Variants in KCND2 observed in about 807,000 individuals in gnomAD.
The protein encoded by KCND2 is A-type voltage-gated potassium channel KCND2.
KCND2 carries 16 observed loss-of-function variants against 54.4 expected under a neutral mutation model. The observed-to-expected ratio is 0.29, with a 90% confidence interval of 0.20 to 0.45. The LOEUF is 0.45. KCND2 is among the 20% of genes least tolerant of loss of function. KCND2 has a pLI of 1.00. For synonymous variants in KCND2, 317 were observed against 310.7 expected, an observed-to-expected ratio of 1.02 and a Z score of -0.21; for missense variants, 486 against 824.2, an observed-to-expected ratio of 0.59 and a Z score of 5.02.
chr7:120,341,346 A>G (rs896215094), intron 1 of KCND2, among the ~76,000 whole-genome samples: 9 of 152,192 alleles, frequency 5.9e-5, no homozygotes, highest in African/African-American at 1.9e-4. Context: ...AAGTGAGATC[A>G]TTAAGACCTG....
chr7:120,311,765 A>G (rs1799739073), intron 1 of KCND2, among the ~76,000 whole-genome samples: 1 of 151,824 alleles, frequency 6.6e-6, no homozygotes, highest in Admixed American at 6.6e-5. Flanking sequence ...GTTTCCCTCT[A>G]TGTGTCCATG....
intron 1 of KCND2, among the ~76,000 whole-genome samples, chr7:120,535,447 TG>T (rs1181148570): frequency 3.3e-5 from 5 of 152,184 alleles, no homozygotes; most frequent in Admixed American, 6.6e-5. Flanking sequence ...ACTGGTCTCT[TG>T]GAAATTTTGG....
intron 1 of KCND2, among the ~76,000 whole-genome samples, chr7:120,456,195 GAAT>G (rs921395687): frequency 2.6e-5 from 4 of 152,056 alleles, no homozygotes; most frequent in Admixed American, 6.6e-5. Context: ...TTTGAATCAA[GAAT>G]AATATGATAC....
intron 1 of KCND2, among the ~76,000 whole-genome samples, chr7:120,656,199 C>T (rs750575249): frequency 1.3e-5 from 2 of 152,008 alleles, no homozygotes; most frequent in Non-Finnish European, 2.9e-5. Context: ...GCTGGCCTGG[C>T]GTTCCTGGCC....
chr7:120,688,526 T>C (rs1372000259), intron 1 of KCND2, among the ~76,000 whole-genome samples: 6 of 152,182 alleles, frequency 3.9e-5, no homozygotes, highest in Admixed American at 3.9e-4. Flanking sequence ...AGAGAGGACC[T>C]TCCCAGGCCC....
At chr7:120,722,555 G>C (rs945247476) in intron 1 of KCND2, among the ~76,000 whole-genome samples, 1 of 152,126 alleles carries the variant, frequency 6.6e-6, no homozygotes, top group Non-Finnish European at 1.5e-5. Flanking sequence ...AGATAAATAG[G>C]TGGCAAAATT....
intron 1 of KCND2, among the ~76,000 whole-genome samples, chr7:120,351,488 G>A (rs1041545940): frequency 6.7e-6 from 1 of 149,744 alleles, no homozygotes; most frequent in East Asian, 2.0e-4. Flanking sequence ...CAGCAGTGTT[G>A]ACAACAAACA....
intron 1 of KCND2, among the ~76,000 whole-genome samples, chr7:120,601,129 C>T (rs989212172): frequency 6.6e-6 from 1 of 152,064 alleles, no homozygotes. Context: ...AAATGAAACA[C>T]AGTGTATACC....
At chr7:120,692,381 C>CT (rs889608786) in intron 1 of KCND2, among the ~76,000 whole-genome samples, 1 of 151,992 alleles carries the variant, frequency 6.6e-6, no homozygotes, top group African/African-American at 2.4e-5. Context: ...TTAATACAAA[C>CT]TTTTTTTTAG....
chr7:120,533,783 TG>T (rs1173503015), intron 1 of KCND2, among the ~76,000 whole-genome samples: 1 of 152,110 alleles, frequency 6.6e-6, no homozygotes, highest in East Asian at 1.9e-4. Context: ...GCCATAATAA[TG>T]GAAGCTAGTA....
chr7:120,393,378 A>G (rs527765841), intron 1 of KCND2, among the ~76,000 whole-genome samples: 5 of 151,990 alleles, frequency 3.3e-5, no homozygotes, highest in African/African-American at 1.2e-4. Context: ...ATCATTCTAA[A>G]CTCTTTACTT....
At chr7:120,559,559 G>A (rs932403938) in intron 1 of KCND2, among the ~76,000 whole-genome samples, 1 of 152,194 alleles carries the variant, frequency 6.6e-6, no homozygotes, top group East Asian at 1.9e-4. Flanking sequence ...ATGATCATTT[G>A]GTATCTGGTT....
At chr7:120,410,212 A>G (rs1801428461) in intron 1 of KCND2, among the ~76,000 whole-genome samples, 1 of 151,894 alleles carries the variant, frequency 6.6e-6, no homozygotes, top group Admixed American at 6.6e-5. Context: ...ATATTGGTCA[A>G]TTTTCAAACT....
intron 1 of KCND2, among the ~76,000 whole-genome samples, chr7:120,474,447 T>A (rs1802504696): frequency 6.6e-6 from 1 of 151,978 alleles, no homozygotes; most frequent in South Asian, 2.1e-4. Flanking sequence ...AAGCAATTCC[T>A]CTGCCTTAGT....
intron 1 of KCND2, among the ~76,000 whole-genome samples, chr7:120,431,317 A>G (rs1272887536): frequency 6.6e-6 from 1 of 152,236 alleles, no homozygotes; most frequent in Non-Finnish European, 1.5e-5. Context: ...AATGCAGCCC[A>G]TGCCTTAACG....
At chr7:120,278,878 A>G (rs960094039) in intron 1 of KCND2, among the ~76,000 whole-genome samples, 1 of 151,860 alleles carries the variant, frequency 6.6e-6, no homozygotes, top group African/African-American at 2.4e-5. Context: ...ATTTTTTTTA[A>G]GTGTTTAGAT....
intron 1 of KCND2, among the ~76,000 whole-genome samples, chr7:120,445,712 A>AGG (rs1439398862): frequency 1.3e-5 from 2 of 152,154 alleles, no homozygotes; most frequent in African/African-American, 4.8e-5. Context: ...TTATCACACT[A>AGG]GTTTCACTGC....
rs369947911 is a variant in KCND2 at position 120,488,035 on chromosome 7, C to CA, written c.1115+212298dup. 7.3e-4 allele frequency among the ~76,000 whole-genome samples: 108 copies of CA among 147,506 alleles called. 1 individual carries two copies. The highest frequency in any genetic ancestry group is 1.2e-3 in the East Asian group (6 of 5,066). ...ATCTATACAAAAAAACAAAACAAAA[C>CA]AAAAAAAAAACTGGTTTGGCATGGT... On this transcript the variant is annotated intron_variant, in intron 1 of 5. Coordinates refer to ENST00000331113, the MANE Select transcript of KCND2 (RefSeq NM_012281.3).
intron 1 of KCND2, among the ~76,000 whole-genome samples, chr7:120,463,752 A>C (rs1215361462): frequency 6.6e-6 from 1 of 152,140 alleles, no homozygotes; most frequent in African/African-American, 2.4e-5. Flanking sequence ...GACATCGCAG[A>C]TTATATTATT....
Sources: gnomAD v4.1 joint callset for allele counts (sites outside exome capture counted in the v4.1 genomes callset) on GRCh38, gnomAD v4.1.1 for gene constraint, MANE v1.5 for transcripts, NCBI Gene and HGNC (gene_info 2026-07-23, HGNC 2026-07-21) for gene names.